EYA1: variants seen among roughly 807,000 people sequenced by gnomAD.
The protein encoded by EYA1 is protein phosphatase EYA1.
A neutral mutation model predicts 82.0 loss-of-function variants in EYA1; 16 were observed. The observed-to-expected ratio is 0.20, with a 90% CI of 0.13 to 0.30. The LOEUF (loss-of-function observed/expected upper bound fraction) is 0.30, where lower values mean the gene tolerates loss of function less well. Among genes scored for constraint, EYA1 ranks in the 10% least tolerant of loss-of-function variants. The probability of loss-of-function intolerance (pLI) is 1.00; values close to 1 mark genes in which losing one functional copy is unlikely to be tolerated. For missense variants in EYA1, 633 were observed against 730.7 expected (o/e 0.87, Z 1.54); for synonymous variants, 261 against 264.4 (o/e 0.99, Z 0.12).
intron 2 of EYA1, among the ~76,000 whole-genome samples, chr8:71,422,673 G>A (rs1223669350): frequency 6.6e-6 from 1 of 152,114 alleles, no homozygotes; most frequent in African/African-American, 2.4e-5. Flanking sequence ...TTGCAATTAT[G>A]GCAGAAGGGG....
intron 12 of EYA1, among the ~76,000 whole-genome samples, chr8:71,242,461 T>C (rs1283477546): frequency 1.3e-5 from 2 of 152,190 alleles, no homozygotes; most frequent in Admixed American, 6.5e-5. Flanking sequence ...TACTAAGGAA[T>C]AGTCCTCATG....
In EYA1 at chr8:71,317,563, T is replaced by C; in HGVS notation, c.545A>G (p.Tyr182Cys). 6.2e-7 allele frequency: 1 copy of C among 1,614,130 alleles called. No homozygotes were observed. Among genetic ancestry groups the C allele is most frequent in the Non-Finnish European group, 8.5e-7 (1 of 1,179,990 alleles). ...GTGTATATACAGACCTTGCATCTGGTAGCTGTATGGTGCCTGTCCAGGTTG... is the reference window on the plus strand; with the variant it reads ...GTGTATATACAGACCTTGCATCTGGCAGCTGTATGGTGCCTGTCCAGGTTG... Reference protein sequence around the residue: ...TPQPGQAPYSYQMQGSSFTTS... With the variant: ...TPQPGQAPYSCQMQGSSFTTS... The change falls in exon 7 of 18, where the codon TAC becomes TGC. Residue 182 changes from tyrosine to cysteine, a missense_variant. Physicochemically the swap from Tyr to Cys is radical, Grantham distance 194 (BLOSUM62 -2). Transcript: ENST00000340726.
intron 7 of EYA1, among the ~76,000 whole-genome samples, chr8:71,314,335 A>C (rs930694501): frequency 6.6e-6 from 1 of 152,168 alleles, no homozygotes; most frequent in Non-Finnish European, 1.5e-5. Context: ...ATTAATCACA[A>C]TTAAGTACCC....
chr8:71,482,997 C>T (rs542839680), intron 2 of EYA1, among the ~76,000 whole-genome samples: 24 of 152,264 alleles, frequency 1.6e-4, no homozygotes, highest in African/African-American at 5.3e-4. Context: ...ATGACTGCAC[C>T]TCTGAATTGG....
At chr8:71,258,502 C>T (rs1814711339) in intron 11 of EYA1, among the ~76,000 whole-genome samples, 1 of 152,200 alleles carries the variant, frequency 6.6e-6, no homozygotes, top group African/African-American at 2.4e-5. Context: ...CCACCTGATA[C>T]TTCTATGGTG....
At chr8:71,430,952 T>C (rs1396360977) in intron 2 of EYA1, among the ~76,000 whole-genome samples, 1 of 151,464 alleles carries the variant, frequency 6.6e-6, no homozygotes, top group Non-Finnish European at 1.5e-5. Flanking sequence ...ACAAGACAGC[T>C]TGGCTTTAAT....
chr8:71,301,961 C>A (rs914769820), intron 7 of EYA1, among the ~76,000 whole-genome samples: 1 of 151,494 alleles, frequency 6.6e-6, no homozygotes, highest in Non-Finnish European at 1.5e-5. Flanking sequence ...TCATTCTTTA[C>A]GTGCATATCA....
rs900048085 is a variant in EYA1, at chr8:71,198,154, C to T, written c.*1186G>A. The T allele has an allele frequency of 4.7e-4, 71 of 152,570 alleles. No individual in the cohort carries two copies. Among genetic ancestry groups the T allele is most frequent in the African/African-American group, 7.2e-5 (3 of 41,528 alleles). 9.5% of individuals were successfully genotyped at this position (152,570 alleles called of 1,614,324 possible). A position where few individuals can be genotyped will look rare whatever the true frequency, so the allele number is the denominator to read the frequency against. On this transcript the variant is annotated 3_prime_UTR_variant, in exon 18 of 18. Transcript: ENST00000340726. ...AGCACATGAAAACTTTGTTAGTCTCCGATTCATGAACCATTTTATTAATAA... is the reference window on the plus strand; with the variant it reads ...AGCACATGAAAACTTTGTTAGTCTCTGATTCATGAACCATTTTATTAATAA...
chr8:71,248,854 G>T (rs1194677266), intron 11 of EYA1, among the ~76,000 whole-genome samples: 2 of 152,148 alleles, frequency 1.3e-5, no homozygotes, highest in Non-Finnish European at 2.9e-5. Flanking sequence ...ACTCTGGCTT[G>T]ATGGCTTATT....
chr8:71,284,667 A>G (rs759051948), intron 9 of EYA1, among the ~76,000 whole-genome samples: 111 of 152,354 alleles, frequency 7.3e-4, no homozygotes, highest in Non-Finnish European at 6.5e-4. Context: ...ATGATGATAA[A>G]GTGATATTCC....
At chr8:71,249,484 C>T (rs895443780) in intron 11 of EYA1, among the ~76,000 whole-genome samples, 9 of 152,030 alleles carry the variant, frequency 5.9e-5, no homozygotes, top group African/African-American at 2.2e-4. Context: ...CATCAGATCT[C>T]ATGAGAACTC....
At chr8:71,459,893 A>G (rs904554459) in intron 2 of EYA1, among the ~76,000 whole-genome samples, 8 of 152,108 alleles carry the variant, frequency 5.3e-5, no homozygotes, top group African/African-American at 1.9e-4. Context: ...AATTAAGCTC[A>G]TTTTCCAATT....
chr8:71,482,086 C>T (rs369082777), intron 2 of EYA1, among the ~76,000 whole-genome samples: 88 of 152,108 alleles, frequency 5.8e-4, no homozygotes, highest in African/African-American at 2.0e-3. Flanking sequence ...TGTCAAAAAA[C>T]GCCATTAAGA....
chr8:71,215,093 T>C (rs1809015144), intron 16 of EYA1, among the ~76,000 whole-genome samples: 1 of 152,204 alleles, frequency 6.6e-6, no homozygotes. Flanking sequence ...TTTGTTAATG[T>C]TGCCTAAAAG....
intron 3 of EYA1, among the ~76,000 whole-genome samples, chr8:71,346,205 C>T (rs1825686137): frequency 6.6e-6 from 1 of 151,982 alleles, no homozygotes; most frequent in Admixed American, 6.6e-5. Context: ...ATTAGATGTC[C>T]TCCTCCTCTG....
intron 11 of EYA1, 48 bp downstream of exon 11, chr8:71,269,692 G>A (rs774984947): frequency 7.8e-7 from 1 of 1,281,498 alleles, no homozygotes; most frequent in African/African-American, 1.5e-5. Context: ...CAAATTAGAG[G>A]TATATTTACT....
intron 3 of EYA1, among the ~76,000 whole-genome samples, chr8:71,337,820 C>A (rs2129050376): frequency 6.6e-6 from 1 of 152,236 alleles, no homozygotes; most frequent in East Asian, 1.9e-4. Context: ...ATACCAGGAA[C>A]AATATAGAAC....
At chr8:71,306,909 C>G (rs996227048) in intron 7 of EYA1, among the ~76,000 whole-genome samples, 2 of 152,202 alleles carry the variant, frequency 1.3e-5, no homozygotes, top group African/African-American at 4.8e-5. Flanking sequence ...TCCTGTCTGC[C>G]TCACATAGAG....
At chr8:71,338,825 G>A (rs1226947644) in intron 3 of EYA1, among the ~76,000 whole-genome samples, 6 of 152,210 alleles carry the variant, frequency 3.9e-5, no homozygotes, top group Admixed American at 3.3e-4. Context: ...GCCTTGGTGA[G>A]CTGCAGGCCC....
Sources: allele counts gnomAD v4.1 joint callset (sites outside exome capture counted in the v4.1 genomes callset), GRCh38; gene constraint gnomAD v4.1.1; transcripts MANE v1.5; gene names NCBI Gene and HGNC (gene_info 2026-07-23, HGNC 2026-07-21).